Variants in KCNIP4 observed in about 807,000 individuals in gnomAD.
The protein encoded by KCNIP4 is Kv channel-interacting protein 4.
In KCNIP4, 12 loss-of-function variants were observed where a neutral mutation model predicts 34.0. The observed-to-expected ratio is 0.35, with a 90% CI of 0.23 to 0.57. The LOEUF (loss-of-function observed/expected upper bound fraction) is 0.57, where lower values mean the gene tolerates loss of function less well. KCNIP4 is among the 20% of genes least tolerant of loss of function. The pLI is 0.83. For missense variants in KCNIP4, 238 were observed against 311.7 expected (o/e 0.76, Z 1.78); for synonymous variants, 124 against 102.2 (o/e 1.21, Z -1.29).
At chr4:21,546,040 C>A (rs1738124734) in intron 1 of KCNIP4, among the ~76,000 whole-genome samples, 1 of 152,108 alleles carries the variant, frequency 6.6e-6, no homozygotes, top group African/African-American at 2.4e-5. Context: ...GCCTTGAATT[C>A]TTTCTTATGC....
At chr4:21,376,890 T>C (rs1467478672) in intron 1 of KCNIP4, among the ~76,000 whole-genome samples, 2 of 152,198 alleles carry the variant, frequency 1.3e-5, no homozygotes, top group Non-Finnish European at 2.9e-5. Flanking sequence ...CAGATTATTA[T>C]ATCCATAGCA....
chr4:21,505,158 C>T (rs1323183059), intron 1 of KCNIP4, among the ~76,000 whole-genome samples: 1 of 152,034 alleles, frequency 6.6e-6, no homozygotes, highest in Non-Finnish European at 1.5e-5. Context: ...ACAAGGTCCA[C>T]AGAGCATCTT....
intron 1 of KCNIP4, among the ~76,000 whole-genome samples, chr4:21,681,164 T>TCCCTAGCTCATGCAACCCA (rs1271035602): frequency 6.6e-6 from 1 of 152,176 alleles, no homozygotes; most frequent in Non-Finnish European, 1.5e-5. Context: ...AGCCTTGATC[T>TCCCTAGCTCATGCAACCCA]CCCTAGCTCA....
intron 1 of KCNIP4, among the ~76,000 whole-genome samples, chr4:21,178,971 C>G (rs986887508): frequency 1.3e-5 from 2 of 152,054 alleles, no homozygotes; most frequent in Admixed American, 6.6e-5. Context: ...GTTGCACCAC[C>G]ATGCCCAGCT....
intron 1 of KCNIP4, among the ~76,000 whole-genome samples, chr4:21,773,416 T>C (rs1161909366): frequency 1.3e-5 from 2 of 152,192 alleles, no homozygotes; most frequent in African/African-American, 2.4e-5. Flanking sequence ...GATAATTCTG[T>C]AGCTGTATAC....
At chr4:20,796,797 A>G (rs963558106) in intron 3 of KCNIP4, among the ~76,000 whole-genome samples, 3 of 152,168 alleles carry the variant, frequency 2.0e-5, no homozygotes, top group Non-Finnish European at 4.4e-5. Context: ...TAATAGATGG[A>G]AAAAAACAGA....
At chr4:21,244,075 A>G (rs2109057745) in intron 1 of KCNIP4, among the ~76,000 whole-genome samples, 1 of 152,272 alleles carries the variant, frequency 6.6e-6, no homozygotes, top group African/African-American at 2.4e-5. Context: ...CATTCGGTTA[A>G]CCCAATATTT....
intron 1 of KCNIP4, among the ~76,000 whole-genome samples, chr4:21,554,319 CA>C (rs1738812143): frequency 6.6e-6 from 1 of 152,024 alleles, no homozygotes; most frequent in African/African-American, 2.4e-5. Context: ...GGAAAGAGAG[CA>C]GGGGGCTGTG....
chr4:20,957,176 C>T (rs533410172), intron 1 of KCNIP4, among the ~76,000 whole-genome samples: 32 of 152,288 alleles, frequency 2.1e-4, no homozygotes, highest in African/African-American at 4.3e-4. Flanking sequence ...AGACCAAGAA[C>T]GGGTACCTCG....
chr4:21,121,794 A>G (rs1458340222), intron 1 of KCNIP4, among the ~76,000 whole-genome samples: 1 of 152,234 alleles, frequency 6.6e-6, no homozygotes, highest in East Asian at 1.9e-4. Flanking sequence ...GTACGATGTC[A>G]TGAAAATAAA....
At chr4:21,790,644 C>G (rs552477890) in intron 1 of KCNIP4, among the ~76,000 whole-genome samples, 1 of 151,932 alleles carries the variant, frequency 6.6e-6, no homozygotes, top group South Asian at 2.1e-4. Context: ...GGGCGCTATC[C>G]TCAAACTTAA....
intron 1 of KCNIP4, among the ~76,000 whole-genome samples, chr4:21,362,052 C>T (rs994544991): frequency 6.6e-6 from 1 of 151,970 alleles, no homozygotes; most frequent in African/African-American, 2.4e-5. Context: ...CAAGACAGTA[C>T]CCATGCAAGA....
intron 1 of KCNIP4, among the ~76,000 whole-genome samples, chr4:21,694,913 CCAAAA>C (rs1712094541): frequency 1.2e-4 from 9 of 74,486 alleles, no homozygotes; most frequent in African/African-American, 5.5e-4. Flanking sequence ...ACACGATTGA[CCAAAA>C]AAAAAAAAAA....
At chr4:20,888,086 T>C (rs1050237806) in intron 1 of KCNIP4, among the ~76,000 whole-genome samples, 3 of 151,710 alleles carry the variant, frequency 2.0e-5, no homozygotes, top group Admixed American at 1.3e-4. Context: ...TAAAAAATAA[T>C]ATAAGAAGGT....
chr4:21,239,206 C>T (rs1466360285), intron 1 of KCNIP4, among the ~76,000 whole-genome samples: 2 of 149,290 alleles, frequency 1.3e-5, no homozygotes, highest in Non-Finnish European at 3.0e-5. Context: ...CTTCCTTACA[C>T]CTTATACAAA....
intron 3 of KCNIP4, among the ~76,000 whole-genome samples, chr4:20,806,952 T>C (rs927314271): frequency 2.6e-5 from 4 of 152,130 alleles, no homozygotes; most frequent in Non-Finnish European, 5.9e-5. Context: ...TAACATTCAT[T>C]TAATCTGATA....
At chr4:21,549,379 C>T (rs6836186) in intron 1 of KCNIP4, among the ~76,000 whole-genome samples, 54,525 of 151,634 alleles carry the variant, frequency 0.36, 10,116 homozygotes, top group South Asian at 0.52. Context: ...GGATCCCTCA[C>T]GAATGGCTCA....
intron 1 of KCNIP4, among the ~76,000 whole-genome samples, chr4:21,237,570 T>C (rs1442803533): frequency 1.3e-5 from 2 of 151,932 alleles, no homozygotes; most frequent in African/African-American, 4.8e-5. Context: ...CCCACAGAAA[T>C]AGAAACTACC....
At chr4:21,860,706 C>T (rs1464811278) in intron 1 of KCNIP4, among the ~76,000 whole-genome samples, 1 of 151,754 alleles carries the variant, frequency 6.6e-6, no homozygotes, top group Admixed American at 6.6e-5. Flanking sequence ...TTTTAAAGGA[C>T]ATTTAGAGCC....
Sources: allele counts gnomAD v4.1 joint callset (sites outside exome capture counted in the v4.1 genomes callset), GRCh38; gene constraint gnomAD v4.1.1; transcripts MANE v1.5; gene names NCBI Gene and HGNC (gene_info 2026-07-23, HGNC 2026-07-21).